The following BRD4 variants were observed in gnomAD, a reference collection of about 807,000 sequenced individuals.
BRD4 encodes the protein bromodomain containing 4, also known as bromodomain-containing protein 4.
In BRD4, 16 loss-of-function variants were observed where a neutral mutation model predicts 142.1. That is an observed-to-expected ratio of 0.11 (90% CI 0.08 to 0.17). BRD4 has a LOEUF of 0.17. Among genes scored for constraint, BRD4 ranks in the 10% least tolerant of loss-of-function variants. The pLI, the probability that BRD4 is intolerant of heterozygous loss-of-function variation, is 1.00. For missense variants in BRD4, 1,424 were observed against 1,810.9 expected, an observed-to-expected ratio of 0.79 and a Z score of 3.88; for synonymous variants, 833 against 707.5, an observed-to-expected ratio of 1.18 and a Z score of -2.82.
At chr19:15,320,653 G>A (rs984376675) in intron 1 of BRD4, among the ~76,000 whole-genome samples, 8 of 152,056 alleles carry the variant, frequency 5.3e-5, no homozygotes, top group African/African-American at 1.2e-4. Flanking sequence ...CTGTTTTCCC[G>A]CCAAACTGGA....
At chr19:15,279,747 T>C (rs2047686898) in intron 1 of BRD4, among the ~76,000 whole-genome samples, 1 of 152,192 alleles carries the variant, frequency 6.6e-6, no homozygotes, top group African/African-American at 2.4e-5. Context: ...CCCAGTTCCG[T>C]CCATCACAAG....
Position 15,292,661 on chromosome 19 carries a change from C to T in BRD4, c.-34-19528G>A, listed in dbSNP as rs545989286. On this transcript the variant is annotated intron_variant, in intron 1 of 19. Coordinates refer to ENST00000679869, the MANE Select transcript of BRD4 (RefSeq NM_001379291.1). ...GGCGTGGTGGCGGGCACCTGTAGTC[C>T]CAGCTACTGAGGAGGCTGAGGCAGG... Among the ~76,000 whole-genome samples the T allele has an allele frequency of 8.6e-5, 13 of 151,312 alleles. No individual in the cohort carries two copies. The East Asian group carries it at 2.5e-3, about 29-fold the overall frequency.
At chr19:15,258,934 G>C (rs964175615) in intron 7 of BRD4, among the ~76,000 whole-genome samples, 1 of 152,236 alleles carries the variant, frequency 6.6e-6, no homozygotes, top group Admixed American at 6.5e-5. Context: ...GCAGGTCTGA[G>C]ACAAGGAAGA....
intron 11 of BRD4, among the ~76,000 whole-genome samples, chr19:15,245,304 A>C (rs1278117300): frequency 6.6e-6 from 1 of 152,120 alleles, no homozygotes; most frequent in Non-Finnish European, 1.5e-5. Context: ...AAAGGGAAGC[A>C]GAGAGGCTCA....
intron 1 of BRD4, among the ~76,000 whole-genome samples, chr19:15,321,912 G>C (rs2048064640): frequency 6.6e-6 from 1 of 152,102 alleles, no homozygotes; most frequent in African/African-American, 2.4e-5. Context: ...AGTGGGTACA[G>C]GGAAGAAACG....
chr19:15,286,310 G>A (rs1008120034), intron 1 of BRD4, among the ~76,000 whole-genome samples: 3 of 152,180 alleles, frequency 2.0e-5, no homozygotes, highest in Non-Finnish European at 2.9e-5. Context: ...ATCAGGCACC[G>A]TGGTACTCAC....
chr19:15,262,820 A>T (rs1474280030), intron 7 of BRD4, among the ~76,000 whole-genome samples: 2 of 152,222 alleles, frequency 1.3e-5, no homozygotes, highest in Admixed American at 1.3e-4. Context: ...TTATTCAAAG[A>T]AAGTCATTTT....
intron 1 of BRD4, among the ~76,000 whole-genome samples, chr19:15,297,612 T>C (rs2047834370): frequency 6.6e-6 from 1 of 152,238 alleles, no homozygotes; most frequent in African/African-American, 2.4e-5. Flanking sequence ...ACAGAGCTAA[T>C]GGGCCTCTTT....
At chr19:15,271,802 G>A (rs1038541963) in intron 2 of BRD4, among the ~76,000 whole-genome samples, 4 of 151,254 alleles carry the variant, frequency 2.6e-5, no homozygotes, top group Middle Eastern at 3.2e-3. Flanking sequence ...ATCTTCCCCC[G>A]AGTGCTTGAC....
chr19:15,261,488 A>G (rs533016275), intron 7 of BRD4, among the ~76,000 whole-genome samples: 30 of 152,228 alleles, frequency 2.0e-4, no homozygotes, highest in South Asian at 4.2e-4. Flanking sequence ...TCTCAAAAAA[A>G]AAAGAAAGAA....
At chr19:15,248,979 A>G (rs2047316449) in intron 11 of BRD4, 8 of 524,084 alleles carry the variant, frequency 1.5e-5, no homozygotes, top group Admixed American at 1.3e-4. Flanking sequence ...ATCACCCTCC[A>G]GGAGATGCCA....
At chr19:15,277,119 G>A (rs1327671836) in intron 1 of BRD4, among the ~76,000 whole-genome samples, 1 of 152,168 alleles carries the variant, frequency 6.6e-6, no homozygotes, top group Non-Finnish European at 1.5e-5. Flanking sequence ...ATACTGACCT[G>A]TGGCCAAAAA....
At chr19:15,277,519 C>T (rs1056355873) in intron 1 of BRD4, among the ~76,000 whole-genome samples, 9 of 151,810 alleles carry the variant, frequency 5.9e-5, no homozygotes, top group African/African-American at 1.5e-4. Flanking sequence ...CAGTGGCTCA[C>T]GCCTGTAATC....
chr19:15,275,322 A>G (rs1041393867), intron 1 of BRD4, among the ~76,000 whole-genome samples: 4 of 152,322 alleles, frequency 2.6e-5, no homozygotes, highest in African/African-American at 9.6e-5. Flanking sequence ...TAAATCCTCA[A>G]AAATGCTAAC....
At chr19:15,248,894 A>G in intron 11 of BRD4, 1 of 339,426 alleles carries the variant, frequency 2.9e-6, no homozygotes, top group African/African-American at 2.0e-5. Context: ...GGATGGGACA[A>G]AGAGAGAAAA....
rs564893868 is a variant in BRD4, at chr19:15,310,605, C to T, written c.-35+21685G>A. On this transcript the variant is annotated intron_variant, in intron 1 of 19. Coordinates refer to ENST00000679869, the MANE Select transcript of BRD4 (RefSeq NM_001379291.1). ...CAATCTCCTGACCTCGTGATCCGCC[C>T]GCCTCGGCCTCCCAAAGTACTGGGA... 3.7e-4 allele frequency among the ~76,000 whole-genome samples: 56 copies of T among 151,838 alleles called. No homozygotes were observed. In the South Asian group the frequency reaches 6.7e-3, roughly 18 times the overall value.
rs200421172 is a variant in BRD4, at chr19:15,238,375, G to A, written c.*2C>T. The A allele has an allele frequency of 2.9e-5, 46 of 1,613,910 alleles. 2 individuals carry two copies. Among genetic ancestry groups the A allele is most frequent in the Middle Eastern group, 1.6e-4 (1 of 6,080 alleles). ...TCAAAGTCAGAAGCCACCTAGGTGC[G>A]CTCAGAAAAGATTTTCTTCAAATAT... On this transcript the variant is annotated 3_prime_UTR_variant, in exon 20 of 20. Transcript: ENST00000679869. This position sits in a 1 kb window ranked among gnomAD's most constrained non-coding sequence, Gnocchi z 7.2.
At chr19:15,256,290 A>G (rs370518284) in intron 8 of BRD4, 27 bp from the exon 9 acceptor site, 4 of 1,597,916 alleles carry the variant, frequency 2.5e-6, no homozygotes, top group Non-Finnish European at 3.4e-6. Flanking sequence ...CAAGACACAC[A>G]CTCAGGGCTG....
At chr19:15,331,746 G>A (rs1365474535) in intron 1 of BRD4, 1 of 151,218 alleles carries the variant, frequency 6.6e-6, no homozygotes, top group Non-Finnish European at 1.5e-5. Flanking sequence ...CGCCGGCCCC[G>A]GCCCACGTGA....
Sources: gnomAD v4.1 joint callset for allele counts (sites outside exome capture counted in the v4.1 genomes callset) on GRCh38, gnomAD v4.1.1 for gene constraint, Gnocchi (gnomAD v3.1) non-coding constraint, MANE v1.5 for transcripts, NCBI Gene and HGNC (gene_info 2026-07-23, HGNC 2026-07-21) for gene names.